PLEKHA5: variants seen among roughly 807,000 people sequenced by gnomAD.
PLEKHA5 encodes pleckstrin homology domain-containing family A member 5.
Under a neutral mutation model 181.9 loss-of-function variants are expected in PLEKHA5, and 55 were observed. That is an observed-to-expected ratio of 0.30 (90% CI 0.24 to 0.38). The LOEUF (loss-of-function observed/expected upper bound fraction) is 0.38. PLEKHA5 is among the 10% of genes least tolerant of loss of function. PLEKHA5 has a pLI of 1.00. For missense variants in PLEKHA5, 1,432 were observed against 1,549.5 expected (o/e 0.92, Z 1.27); for synonymous variants, 535 against 529.4 (o/e 1.01, Z -0.15).
In PLEKHA5 at chr12:19,302,905, A is replaced by ATTTTT. The variant is rs2081959494; in HGVS notation, c.2037+11208_2037+11209insTTTTT. Among the ~76,000 whole-genome samples the ATTTTT allele has an allele frequency of 1.6e-3, 168 of 106,568 alleles. 10 individuals carry two copies. Among genetic ancestry groups the ATTTTT allele is most frequent in the African/African-American group, 5.5e-3 (144 of 26,330 alleles). The allele number at this position is 106,568 out of a possible 152,430, so 69.9% of individuals were successfully genotyped here. On this transcript the variant is annotated intron_variant, in intron 15 of 31. Transcript: ENST00000429027. ...TGTTGGACAGCACTGTTCTGTATGA[A>ATTTTT]ATTTTTTTTTTTTTTTTTTTTTTTT...
chr12:19,191,101 T>C (rs2051015166), intron 3 of PLEKHA5, among the ~76,000 whole-genome samples: 1 of 152,326 alleles, frequency 6.6e-6, no homozygotes, highest in Non-Finnish European at 1.5e-5. Flanking sequence ...CTTTATATAA[T>C]ACTAAAATGA....
intron 3 of PLEKHA5, among the ~76,000 whole-genome samples, chr12:19,215,028 T>C (rs1034134551): frequency 6.6e-6 from 1 of 152,028 alleles, no homozygotes; most frequent in Admixed American, 6.6e-5. Flanking sequence ...AAATAAAAAA[T>C]TAGCTGGGTG....
intron 11 of PLEKHA5, among the ~76,000 whole-genome samples, chr12:19,280,995 G>A (rs1414256725): frequency 6.6e-6 from 1 of 152,090 alleles, no homozygotes; most frequent in Non-Finnish European, 1.5e-5. Flanking sequence ...ACAGGCGCAA[G>A]CCACCACGCC....
rs371487330 is a variant in PLEKHA5 at position 19,181,089 on chromosome 12, A to C, written c.227+48639A>C. On this transcript the variant is annotated intron_variant, in intron 3 of 31. Coordinates refer to ENST00000429027, the MANE Select transcript of PLEKHA5 (RefSeq NM_001256470.2). ...ATTCTCTAATATAATGGAAAATATCAGATTAAAAAGAACTCTATAGTAATA... is the reference window on the plus strand; with the variant it reads ...ATTCTCTAATATAATGGAAAATATCCGATTAAAAAGAACTCTATAGTAATA... Among the ~76,000 whole-genome samples the C allele has an allele frequency of 1.4e-4, 22 of 152,296 alleles. No homozygotes were observed. In the East Asian group the frequency reaches 4.0e-3, roughly 28 times the overall value.
intron 3 of PLEKHA5, among the ~76,000 whole-genome samples, chr12:19,177,213 T>G (rs1239719038): frequency 6.6e-6 from 1 of 152,194 alleles, no homozygotes; most frequent in Non-Finnish European, 1.5e-5. Flanking sequence ...AAAATGTCTC[T>G]TATCAGTTTC....
At position 19,366,085 on chromosome 12, in the gene PLEKHA5, T is replaced by A. The variant is rs2095414818; in HGVS notation, c.3730T>A (p.Ser1244Thr). ...TTCTTACGAATCAACTCCTGAGGTT[T>A]CTAGAGGAAATCAAACAATGGCAGG... ...VISYESTPEV[S>T]RGNQTMAVKS... Residue 1244 changes from serine (S) to threonine (T), a missense_variant, in exon 30 of 32, where the codon TCT becomes ACT. Around this residue, in one of 2 missense-constraint regions of PLEKHA5, gnomAD observed 1,143 missense variants for 1,168.4 expected, o/e 0.98. Coordinates refer to ENST00000429027, the MANE Select transcript of PLEKHA5 (RefSeq NM_001256470.2). 6.2e-7 allele frequency: 1 copy of A among 1,611,864 alleles called. No individual in the cohort carries two copies. The highest frequency in any genetic ancestry group is 8.5e-7 in the Non-Finnish European group (1 of 1,179,152).
At chr12:19,158,398 A>G (rs192746386) in intron 3 of PLEKHA5, among the ~76,000 whole-genome samples, 268 of 152,260 alleles carry the variant, frequency 1.8e-3, no homozygotes, top group African/African-American at 4.4e-3. Context: ...AACTTAGACT[A>G]TGTCCTACAA....
intron 15 of PLEKHA5, among the ~76,000 whole-genome samples, chr12:19,303,210 A>G (rs2082115308): frequency 6.7e-6 from 1 of 148,528 alleles, no homozygotes. Context: ...CAGCCTCTAG[A>G]TTATTATATA....
At chr12:19,181,626 A>C (rs2048607680) in intron 3 of PLEKHA5, among the ~76,000 whole-genome samples, 1 of 152,114 alleles carries the variant, frequency 6.6e-6, no homozygotes, top group Admixed American at 6.6e-5. Flanking sequence ...AATACAAAAA[A>C]TTAGCCGGGT....
At chr12:19,292,755 G>A (rs77272283) in intron 15 of PLEKHA5, among the ~76,000 whole-genome samples, 9,254 of 152,104 alleles carry the variant, frequency 0.061, 465 homozygotes, top group East Asian at 0.18. Flanking sequence ...CCCAGCCAAC[G>A]TGGCGAAACA....
chr12:19,200,801 A>G (rs973392883), intron 3 of PLEKHA5: 15 of 469,292 alleles, frequency 3.2e-5, no homozygotes, highest in Non-Finnish European at 4.2e-5. Context: ...ATAGATAGCT[A>G]TATGTAAGCA....
chr12:19,363,808 G>A (rs188882077), intron 29 of PLEKHA5, among the ~76,000 whole-genome samples: 9 of 152,046 alleles, frequency 5.9e-5, no homozygotes, highest in African/African-American at 2.2e-4. Flanking sequence ...GGCCTTAAGA[G>A]TATATCTTCA....
chr12:19,244,752 A>C (rs563216263), intron 3 of PLEKHA5, among the ~76,000 whole-genome samples: 22 of 152,242 alleles, frequency 1.4e-4, no homozygotes, highest in Non-Finnish European at 2.8e-4. Flanking sequence ...TGCGCAGTAG[A>C]TACATTTTCA....
intron 20 of PLEKHA5, among the ~76,000 whole-genome samples, chr12:19,334,829 A>AAAAATATATATATATATAT: frequency 1.1e-4 from 2 of 18,596 alleles, no homozygotes; most frequent in African/African-American, 2.4e-4. Context: ...AAAAAAAAAA[A>AAAAATATATATATATATAT]ATATATATAT....
At chr12:19,259,565 A>G (rs983726193) in intron 6 of PLEKHA5, among the ~76,000 whole-genome samples, 10 of 152,164 alleles carry the variant, frequency 6.6e-5, no homozygotes, top group Non-Finnish European at 1.0e-4. Flanking sequence ...AGCCTGGCCA[A>G]CATGGAGAAA....
rs762774062 is a variant in PLEKHA5 at position 19,353,902 on chromosome 12, G to A, written c.3038G>A (p.Gly1013Glu). The stretch of plus-strand genomic sequence containing the variant: ...TTTTTAGGTTCCCACTTTCCTGTTG[G>A]AGTAGTCCCTCCAAGAGCAAAATCA... ...SVVKGSHFPV[G>E]VVPPRAKSPT... The change falls in exon 26 of 32, where the codon GGA (glycine) becomes GAA (glutamate). Residue 1013 changes from glycine to glutamate, a missense_variant. By Grantham distance (98) the Gly-to-Glu change is moderately conservative. This residue lies in a region of PLEKHA5 where 1,143 missense variants were observed against 1,168.4 expected (regional missense o/e 0.98). Coordinates refer to ENST00000429027, the MANE Select transcript of PLEKHA5 (RefSeq NM_001256470.2). 2 of 1,589,150 alleles carry A rather than the reference G, an allele frequency of 1.3e-6. No homozygotes were observed. Among genetic ancestry groups the A allele is most frequent in the Non-Finnish European group, 1.7e-6 (2 of 1,157,676 alleles).
At chr12:19,267,957 G>A (rs1437994977) in intron 8 of PLEKHA5, among the ~76,000 whole-genome samples, 1 of 151,520 alleles carries the variant, frequency 6.6e-6, no homozygotes, top group Non-Finnish European at 1.5e-5. Context: ...CGAAACTCTG[G>A]CTCAAAAAAA....
At chr12:19,193,508 T>C (rs755153283) in intron 3 of PLEKHA5, among the ~76,000 whole-genome samples, 3 of 152,134 alleles carry the variant, frequency 2.0e-5, no homozygotes, top group Non-Finnish European at 4.4e-5. Flanking sequence ...TTAATTTGTA[T>C]ATAATCATAG....
At chr12:19,323,975 T>C (rs2091523427) in intron 20 of PLEKHA5, among the ~76,000 whole-genome samples, 1 of 152,198 alleles carries the variant, frequency 6.6e-6, no homozygotes, top group African/African-American at 2.4e-5. Context: ...TTAGGTCCTA[T>C]GATGTGGTCA....
Sources: gnomAD v4.1 joint callset for allele counts (sites outside exome capture counted in the v4.1 genomes callset) on GRCh38, gnomAD v4.1.1 for gene constraint, gnomAD v4.1.1 regional missense constraint, MANE v1.5 for transcripts, NCBI Gene and HGNC (gene_info 2026-07-23, HGNC 2026-07-21) for gene names.